ATXN7L1: variants seen among roughly 807,000 people sequenced by gnomAD.
ATXN7L1 encodes ataxin 7 like 1, also known as ataxin-7-like protein 1.
Under a neutral mutation model 70.8 loss-of-function variants are expected in ATXN7L1, and 15 were observed. The ratio of observed to expected loss-of-function variants is 0.21; its 90% CI spans 0.14 to 0.33. The LOEUF (loss-of-function observed/expected upper bound fraction) is 0.33. ATXN7L1 is among the 10% of genes least tolerant of loss of function. The pLI is 1.00. For synonymous variants in ATXN7L1, 440 were observed against 445.1 expected (o/e 0.99, Z 0.14); for missense variants, 975 against 1,097.1 (o/e 0.89, Z 1.57).
chr7:105,711,238 G>C (rs1031296921), intron 3 of ATXN7L1, among the ~76,000 whole-genome samples: 2 of 151,588 alleles, frequency 1.3e-5, no homozygotes, highest in African/African-American at 4.9e-5. Context: ...ATGAGATTTG[G>C]ATGGGGACAC....
chr7:105,747,256 T>C (rs1798689758), intron 3 of ATXN7L1, among the ~76,000 whole-genome samples: 1 of 152,178 alleles, frequency 6.6e-6, no homozygotes, highest in Non-Finnish European at 1.5e-5. Context: ...GGCTGAGGGT[T>C]GAGTTCATCA....
At chr7:105,702,540 C>A (rs1216005945) in intron 3 of ATXN7L1, among the ~76,000 whole-genome samples, 1 of 120,220 alleles carries the variant, frequency 8.3e-6, no homozygotes, top group Non-Finnish European at 1.6e-5. Context: ...CACACACAGA[C>A]CCACAACACA....
intron 2 of ATXN7L1, among the ~76,000 whole-genome samples, chr7:105,791,376 G>C (rs535206600): frequency 1.8e-3 from 271 of 152,294 alleles, no homozygotes; most frequent in Non-Finnish European, 1.7e-3. Flanking sequence ...ATTAGTCAGG[G>C]CCTGGTAGGC....
At chr7:105,700,050 C>G (rs75493800) in intron 3 of ATXN7L1, among the ~76,000 whole-genome samples, 45 of 152,256 alleles carry the variant, frequency 3.0e-4, no homozygotes, top group African/African-American at 7.7e-4. Flanking sequence ...CCCTCCGAGC[C>G]GCTCTGAGCT....
rs1274206179 is a variant in ATXN7L1, at chr7:105,763,864, C to CT, written c.355+24739dup. ...TTTTTTTGTTGTTGTTGTTTGTTTG[C>CT]TTTTTTTGAGATGGAGTCTTGCTCT... On this transcript the variant is annotated intron_variant, in intron 3 of 11. Coordinates refer to ENST00000419735, the MANE Select transcript of ATXN7L1 (RefSeq NM_020725.2). 4.0e-5 allele frequency among the ~76,000 whole-genome samples: 6 copies of CT among 151,166 alleles called. No individual in the cohort carries two copies. The East Asian group carries it at 1.2e-3, about 29-fold the overall frequency.
intron 3 of ATXN7L1, among the ~76,000 whole-genome samples, chr7:105,772,253 T>C (rs1044129017): frequency 8.6e-5 from 13 of 151,974 alleles, no homozygotes; most frequent in Admixed American, 1.3e-4. Flanking sequence ...TTTGTATTTT[T>C]AGTGGAGATG....
intron 7 of ATXN7L1, among the ~76,000 whole-genome samples, chr7:105,631,800 G>A (rs1327028667): frequency 6.6e-6 from 1 of 152,332 alleles, no homozygotes; most frequent in East Asian, 1.9e-4. Flanking sequence ...GAGAGCAAAG[G>A]TTTACTTGCC....
Position 105,614,824 on chromosome 7 carries a change from T to C in ATXN7L1, c.1518-8A>G, listed in dbSNP as rs927590599. The C allele has an allele frequency of 6.5e-7, 1 of 1,544,352 alleles. No individual in the cohort carries two copies. The highest frequency in any genetic ancestry group is 8.8e-7 in the Non-Finnish European group (1 of 1,142,614). On this transcript the variant is annotated splice_region_variant and splice_polypyrimidine_tract_variant and intron_variant, in intron 9 of 11. Transcript: ENST00000419735. This position sits in a 1 kb window ranked among gnomAD's most constrained non-coding sequence, Gnocchi z 4.3. ...GCCGCAGGAGGGATCTTCCTAAACA[T>C]GAGAGAAGAGTGAAAGAGAATCAGT... is the stretch of plus-strand genomic sequence containing the variant.
chr7:105,619,751 T>C (rs924386931), intron 9 of ATXN7L1, among the ~76,000 whole-genome samples: 1 of 150,978 alleles, frequency 6.6e-6, no homozygotes, highest in Non-Finnish European at 1.5e-5. Context: ...GAGATGGGGG[T>C]CTTGCTATAT....
chr7:105,630,808 G>C (rs1449407048), intron 7 of ATXN7L1, among the ~76,000 whole-genome samples: 2 of 152,152 alleles, frequency 1.3e-5, no homozygotes, highest in Non-Finnish European at 2.9e-5. Context: ...CTATGCATGT[G>C]TGGGCAGGAG....
chr7:105,674,289 C>T lies in ATXN7L1; in HGVS notation c.356-9001G>A, dbSNP rs528235924. ...TCCCTAGGCTCTGGGATGGTTTCTTCGTCATCTGGTCACCCCATGCACATT... is the reference window on the plus strand; with the variant it reads ...TCCCTAGGCTCTGGGATGGTTTCTTTGTCATCTGGTCACCCCATGCACATT... On this transcript the variant is annotated intron_variant, in intron 3 of 11. Transcript: ENST00000419735. Among the ~76,000 whole-genome samples the T allele has an allele frequency of 1.1e-3, 166 of 152,268 alleles. 1 individual carries two copies. The highest frequency in any genetic ancestry group is 1.5e-3 in the Non-Finnish European group (99 of 68,022).
At chr7:105,793,902 A>G (rs944787446) in intron 2 of ATXN7L1, among the ~76,000 whole-genome samples, 1 of 152,094 alleles carries the variant, frequency 6.6e-6, no homozygotes, top group African/African-American at 2.4e-5. Context: ...CAATATTTTT[A>G]GTTTTTGACC....
At chr7:105,688,397 G>T (rs1188036505) in intron 3 of ATXN7L1, among the ~76,000 whole-genome samples, 1 of 152,160 alleles carries the variant, frequency 6.6e-6, no homozygotes, top group Non-Finnish European at 1.5e-5. Context: ...ACATAACTTA[G>T]CTGGGCATGG....
At chr7:105,826,951 C>A (rs1810957691) in intron 2 of ATXN7L1, among the ~76,000 whole-genome samples, 1 of 152,124 alleles carries the variant, frequency 6.6e-6, no homozygotes. Flanking sequence ...TACGGTTTGC[C>A]ATCGAGGACA....
chr7:105,840,541 A>T (rs947719432), intron 2 of ATXN7L1, among the ~76,000 whole-genome samples: 8 of 152,058 alleles, frequency 5.3e-5, no homozygotes, highest in African/African-American at 1.7e-4. Context: ...TCTCAGATTC[A>T]CCAGTGCCAG....
intron 9 of ATXN7L1, 119 bp downstream of exon 9, chr7:105,620,081 T>C (rs929180873): frequency 2.3e-6 from 3 of 1,299,300 alleles, no homozygotes; most frequent in African/African-American, 3.0e-5. Flanking sequence ...TCAAGCATCC[T>C]GACTTCAGAA....
At chr7:105,721,810 C>T (rs1795216783) in intron 3 of ATXN7L1, among the ~76,000 whole-genome samples, 1 of 152,232 alleles carries the variant, frequency 6.6e-6, no homozygotes, top group South Asian at 2.1e-4. Context: ...CAGCTGGAGA[C>T]AGCATGGCCA....
At chr7:105,865,349 A>G (rs762599784) in intron 2 of ATXN7L1, among the ~76,000 whole-genome samples, 8 of 152,198 alleles carry the variant, frequency 5.3e-5, no homozygotes, top group Non-Finnish European at 1.0e-4. Context: ...CTGCAATGCC[A>G]ATGAACCTTT....
chr7:105,634,395 C>A (rs962005977), intron 7 of ATXN7L1, among the ~76,000 whole-genome samples: 1 of 152,206 alleles, frequency 6.6e-6, no homozygotes, highest in Admixed American at 6.5e-5. Flanking sequence ...AGGCAATTGA[C>A]CTTGATTCAG....
Sources: gnomAD v4.1 joint callset for allele counts (sites outside exome capture counted in the v4.1 genomes callset) on GRCh38, gnomAD v4.1.1 for gene constraint, Gnocchi (gnomAD v3.1) non-coding constraint, MANE v1.5 for transcripts, NCBI Gene and HGNC (gene_info 2026-07-23, HGNC 2026-07-21) for gene names.